Variants in CAMK2G observed in about 807,000 individuals in gnomAD.
CAMK2G encodes calcium/calmodulin-dependent protein kinase type II subunit gamma.
A neutral mutation model predicts 88.7 loss-of-function variants in CAMK2G; 23 were observed. The observed-to-expected ratio is 0.26, with a 90% confidence interval of 0.19 to 0.37. CAMK2G has a LOEUF of 0.37. Among genes scored for constraint, CAMK2G ranks in the 10% least tolerant of loss-of-function variants. CAMK2G has a pLI of 1.00. For missense variants in CAMK2G, 476 were observed against 780.8 expected (o/e 0.61, Z 4.65); for synonymous variants, 263 against 294.8 (o/e 0.89, Z 1.11).
At chr10:73,814,865 C>A in intron 22 of CAMK2G, 138 bp downstream of exon 22, 2 of 619,014 alleles carry the variant, frequency 3.2e-6, no homozygotes, top group Non-Finnish European at 5.7e-6. Context: ...CTTATTGCAA[C>A]CATTCTGCCA....
At chr10:73,816,577 C>T in intron 21 of CAMK2G, 1 of 632,528 alleles carries the variant, frequency 1.6e-6, no homozygotes, top group Non-Finnish European at 2.3e-6. Context: ...TCTCCTGCCT[C>T]AGCCACCCGA....
Position 73,851,750 on chromosome 10 carries a change from T to TGG in CAMK2G, c.341+502_341+503dup, listed in dbSNP as rs34527786. 9.8e-3 allele frequency among the ~76,000 whole-genome samples: 806 copies of TGG among 82,338 alleles called. 18 individuals are homozygous for TGG. The highest frequency in any genetic ancestry group is 0.015 in the Middle Eastern group (3 of 200). 54.0% of individuals were successfully genotyped at this position (82,338 alleles called of 152,430 possible). On this transcript the variant is annotated intron_variant, in intron 5 of 22. Transcript: ENST00000423381. Reference sequence around the variant, plus strand: ...ATTCATTTGGAAGTGATTTTTTTTGTGGGGGGGGGGAGGGGGACATAGTCT... The same window carrying TGG: ...ATTCATTTGGAAGTGATTTTTTTTGTGGGGGGGGGGGGAGGGGGACATAGTCT...
At chr10:73,872,865 G>C in intron 2 of CAMK2G, 124 bp downstream of exon 2, 2 of 751,942 alleles carry the variant, frequency 2.7e-6, no homozygotes, top group South Asian at 2.9e-5. Flanking sequence ...AGTCCAACCA[G>C]TCTGAAATTC....
chr10:73,824,971 CCCCACAGCAGACCCACTAG>C (rs1186862089), intron 16 of CAMK2G, among the ~76,000 whole-genome samples: 1 of 152,250 alleles, frequency 6.6e-6, no homozygotes, highest in African/African-American at 2.4e-5. Flanking sequence ...CCTTCCCAGC[CCCCACAGCAGACCCACTAG>C]GGGTCCTGGG....
At position 73,819,601 on chromosome 10, in the gene CAMK2G, G is replaced by A. The variant is rs528866552; in HGVS notation, c.1294C>T (p.Arg432Trp). Residue 432 changes from arginine to tryptophan, a missense_variant, in exon 19 of 23, where the codon CGG becomes TGG. Physicochemically the swap from Arg to Trp is moderately radical, Grantham distance 101. Around this residue, in one of 3 missense-constraint regions of CAMK2G, gnomAD observed 278 missense variants for 366.5 expected, o/e 0.76. Transcript: ENST00000423381. Reference protein sequence around the residue: ...TGNGSSVPEGRSSRDRTAPSA... With the variant: ...TGNGSSVPEGWSSRDRTAPSA... ...GGGGCTGTTCTGTCCCGGGAGCTCC[G>A]TCCTTCAGGCACCGAGCTGCCATTC... 22 of 1,547,514 alleles carry A rather than the reference G, an allele frequency of 1.4e-5. No homozygotes were observed. The highest frequency in any genetic ancestry group is 4.8e-5 in the South Asian group (4 of 83,988).
intron 18 of CAMK2G, among the ~76,000 whole-genome samples, chr10:73,820,519 CAG>C (rs1329289058): frequency 3.0e-5 from 3 of 100,466 alleles, no homozygotes; most frequent in Admixed American, 1.3e-4. Flanking sequence ...TTTCTTGAGA[CAG>C]AGTCTCGCTC....
intron 10 of CAMK2G, among the ~76,000 whole-genome samples, chr10:73,844,615 G>T (rs1022061985): frequency 6.6e-6 from 1 of 150,744 alleles, no homozygotes; most frequent in African/African-American, 2.4e-5. Flanking sequence ...CACTATGTTG[G>T]CCAGGCTGGT....
chr10:73,816,134 G>T, intron 21 of CAMK2G: 4 of 985,430 alleles, frequency 4.1e-6, no homozygotes, highest in Non-Finnish European at 4.8e-6. Flanking sequence ...ATAAGGAAGG[G>T]GAGGGTCTCA....
At chr10:73,825,669 T>A (rs1414675389) in intron 15 of CAMK2G, among the ~76,000 whole-genome samples, 2 of 152,182 alleles carry the variant, frequency 1.3e-5, no homozygotes, top group Admixed American at 1.3e-4. Context: ...GTTCAAGATC[T>A]TCTTCCCACT....
chr10:73,843,400 C>T (rs1312855422), intron 10 of CAMK2G, among the ~76,000 whole-genome samples: 1 of 152,186 alleles, frequency 6.6e-6, no homozygotes, highest in Non-Finnish European at 1.5e-5. Flanking sequence ...AATGTATTTA[C>T]TGCTAACTTC....
intron 3 of CAMK2G, among the ~76,000 whole-genome samples, chr10:73,858,387 A>C (rs2095195329): frequency 6.6e-6 from 1 of 152,252 alleles, no homozygotes; most frequent in African/African-American, 2.4e-5. Flanking sequence ...ATAGTGAATT[A>C]GGGGCACAAA....
rs1306985385 is a variant in CAMK2G at position 73,828,104 on chromosome 10, G to A, written c.1071C>T (p.Ser357=). 1 of 1,613,644 alleles carries A rather than the reference G, an allele frequency of 6.2e-7. No homozygotes were observed. The highest frequency in any genetic ancestry group is 2.2e-5 in the East Asian group (1 of 44,880). ...CAAGGCTCACCATTAGGTGCACGCT[G>A]GAACTCGACTTCCTTTTCTGGACAC... The part of the protein sequence containing the change: ...DGGVKKRKSS[S]SVHLMPQSNN... The change falls in exon 15 of 23, where the codon TCC becomes TCT. Residue 357 remains serine, a synonymous_variant. Transcript: ENST00000423381.
rs547537516 is a variant in CAMK2G, at chr10:73,842,014, C to T, written c.946+155G>A. 14 of 692,892 alleles carry T rather than the reference C, an allele frequency of 2.0e-5. No homozygotes were observed. In the East Asian group the frequency reaches 3.3e-4, roughly 16 times the overall value. The allele number at this position is 692,892 out of a possible 1,614,324, so 42.9% of individuals were successfully genotyped here. On this transcript the variant is annotated intron_variant, in intron 12 of 22. Coordinates refer to ENST00000423381, the MANE Select transcript of CAMK2G (RefSeq NM_001367534.1). This position sits in a 1 kb window ranked among gnomAD's most constrained non-coding sequence, Gnocchi z 4.6. ...CCTGAATCTCAGGAGCAGGACTCAG[C>T]AGCAGCAGCAGCCCCTCAAAACAGG...
chr10:73,869,089 C>T (rs1322241279), intron 2 of CAMK2G, among the ~76,000 whole-genome samples: 1 of 152,234 alleles, frequency 6.6e-6, no homozygotes, highest in African/African-American at 2.4e-5. Flanking sequence ...GCAAGAGCAA[C>T]TGTTGTTGCA....
intron 3 of CAMK2G, among the ~76,000 whole-genome samples, chr10:73,858,289 CGTTT>C (rs1565459053): frequency 1.3e-5 from 2 of 152,204 alleles, no homozygotes; most frequent in Non-Finnish European, 2.9e-5. Context: ...TGGGCTGGCC[CGTTT>C]GTTTCCCTTT....
chr10:73,814,735 C>T (rs2084873626), intron 22 of CAMK2G: 1 of 464,578 alleles, frequency 2.2e-6, no homozygotes, highest in Non-Finnish European at 3.9e-6. Flanking sequence ...AGGTAGGCAC[C>T]ACTCTCTGCC....
At chr10:73,872,213 G>A (rs1279513482) in intron 2 of CAMK2G, among the ~76,000 whole-genome samples, 2 of 152,190 alleles carry the variant, frequency 1.3e-5, no homozygotes, top group South Asian at 2.1e-4. Context: ...TAGGTTCAAG[G>A]TGTGAAAGAC....
chr10:73,873,133 C>T (rs2095896835), intron 1 of CAMK2G, 50 bp from the exon 2 acceptor site: 2 of 1,281,662 alleles, frequency 1.6e-6, no homozygotes, highest in Non-Finnish European at 2.3e-6. Flanking sequence ...GGCAGAGTGA[C>T]ACAGACACAC....
intron 13 of CAMK2G, among the ~76,000 whole-genome samples, chr10:73,837,939 C>T (rs2093410953): frequency 6.6e-6 from 1 of 152,196 alleles, no homozygotes; most frequent in Admixed American, 6.5e-5. Context: ...TGAGTGTTCT[C>T]AAGAAGCAGA....
Sources: gnomAD v4.1 joint callset for allele counts (sites outside exome capture counted in the v4.1 genomes callset) on GRCh38, gnomAD v4.1.1 for gene constraint, gnomAD v4.1.1 regional missense constraint, Gnocchi (gnomAD v3.1) non-coding constraint, MANE v1.5 for transcripts, NCBI Gene and HGNC (gene_info 2026-07-23, HGNC 2026-07-21) for gene names.